The following CHD8 variants were observed in gnomAD, a reference collection of about 807,000 sequenced individuals.
CHD8 encodes the protein chromodomain helicase DNA binding protein 8.
In CHD8, 31 loss-of-function variants were observed where a neutral mutation model predicts 279.2. The ratio of observed to expected loss-of-function variants is 0.11; its 90% CI spans 0.08 to 0.15. The LOEUF is 0.15. Ranked by LOEUF, CHD8 falls within the 10% of genes least tolerant of loss-of-function variation. CHD8 has a pLI of 1.00. For missense variants in CHD8, 2,146 were observed against 3,230.5 expected, an observed-to-expected ratio of 0.66 and a Z score of 8.14; for synonymous variants, 1,081 against 1,139.6, an observed-to-expected ratio of 0.95 and a Z score of 1.04.
At chr14:21,454,554 C>G (rs1353382820) in intron 1 of CHD8, among the ~76,000 whole-genome samples, 1 of 152,146 alleles carries the variant, frequency 6.6e-6, no homozygotes, top group South Asian at 2.1e-4. Flanking sequence ...TCTCGAACTC[C>G]TGACTTCAAG....
At position 21,431,317 on chromosome 14, in the gene CHD8, G is replaced by A; in HGVS notation, c.327C>T (p.Val109=). The part of the protein sequence containing the change: ...PASQEQPAQP[V]LQTSTPTSGL... Reference sequence around the variant, plus strand: ...CTGATGTTGGCGTCGATGTCTGTAAGACAGGTTGGGCTGGCTGCTCCTGGC... The same window carrying A: ...CTGATGTTGGCGTCGATGTCTGTAAAACAGGTTGGGCTGGCTGCTCCTGGC... Residue 109 remains valine, a synonymous_variant, in exon 2 of 38, where the codon GTC becomes GTT. Transcript: ENST00000646647. 6.5e-7 allele frequency: 1 copy of A among 1,548,188 alleles called. No homozygotes were observed. Among genetic ancestry groups the A allele is most frequent in the South Asian group, 1.2e-5 (1 of 85,074 alleles).
At chr14:21,391,763 T>G in intron 35 of CHD8, 70 bp downstream of exon 35, 1 of 1,525,266 alleles carries the variant, frequency 6.6e-7, no homozygotes, top group East Asian at 2.3e-5. Context: ...CCAGTCCCAC[T>G]GCCTTCATCA....
intron 5 of CHD8, among the ~76,000 whole-genome samples, chr14:21,424,413 T>G (rs546606861): frequency 2.0e-5 from 3 of 152,344 alleles, no homozygotes; most frequent in Admixed American, 2.0e-4. Flanking sequence ...TCATAATATA[T>G]TCTAAAATTT....
At position 21,399,953 on chromosome 14, in the gene CHD8, A is replaced by C. The variant is rs775893383; in HGVS notation, c.4817+28T>G. ...TCTTCCCTCAAATAAGGTAGGGCAT[A>C]AATCAAAAAAATATAGCAGAATTTT... On this transcript the variant is annotated intron_variant, in intron 25 of 37. Coordinates refer to ENST00000646647, the MANE Select transcript of CHD8 (RefSeq NM_001170629.2). 3.2e-6 allele frequency: 5 copies of C among 1,583,386 alleles called. No individual in the cohort carries two copies. In the East Asian group the frequency reaches 8.9e-5, roughly 28 times the overall value.
chr14:21,417,861 A>AT (rs1175063826), intron 5 of CHD8, among the ~76,000 whole-genome samples: 2 of 139,446 alleles, frequency 1.4e-5, no homozygotes, highest in African/African-American at 5.6e-5. Flanking sequence ...CAAAAAAAAA[A>AT]AAAAATATAT....
In CHD8 at chr14:21,399,373, G is replaced by C; in HGVS notation, c.4921+229C>G. The C allele has an allele frequency of 5.9e-6, 3 of 509,046 alleles. No homozygotes were observed. In the South Asian group the frequency reaches 6.2e-5, roughly 11 times the overall value. The allele number at this position is 509,046 out of a possible 1,614,324, so 31.5% of individuals were successfully genotyped here. On this transcript the variant is annotated intron_variant, in intron 26 of 37. Coordinates refer to ENST00000646647, the MANE Select transcript of CHD8 (RefSeq NM_001170629.2). ...CACTGCTAACAGTGATTAGAGAACA[G>C]ATGGGAGGCTCCCTACCTTGAGATT...
intron 5 of CHD8, among the ~76,000 whole-genome samples, chr14:21,424,864 T>C (rs754507095): frequency 6.6e-6 from 1 of 152,192 alleles, no homozygotes; most frequent in Admixed American, 6.5e-5. Context: ...GAGGCACTTA[T>C]AAATATTAAT....
At chr14:21,414,724 A>G in intron 8 of CHD8, 1 of 608,936 alleles carries the variant, frequency 1.6e-6, no homozygotes, top group Admixed American at 3.1e-5. Context: ...ACATTTTATC[A>G]GGAACCACCC....
chr14:21,421,258 TAC>T (rs896681165), intron 5 of CHD8, among the ~76,000 whole-genome samples: 12 of 152,088 alleles, frequency 7.9e-5, no homozygotes, highest in Admixed American at 4.6e-4. Context: ...TACATATATA[TAC>T]ACACACAGAC....
intron 1 of CHD8, among the ~76,000 whole-genome samples, chr14:21,434,724 C>T (rs1396378631): frequency 6.6e-6 from 1 of 151,960 alleles, no homozygotes; most frequent in Non-Finnish European, 1.5e-5. Context: ...CTATACTGAC[C>T]CAATTCATCT....
At chr14:21,412,278 T>G (rs1888531511) in intron 10 of CHD8, among the ~76,000 whole-genome samples, 1 of 151,980 alleles carries the variant, frequency 6.6e-6, no homozygotes, top group African/African-American at 2.4e-5. Flanking sequence ...CCCGAGTAGC[T>G]GGGACTATAG....
intron 14 of CHD8, among the ~76,000 whole-genome samples, 166 bp from the exon 15 acceptor site, chr14:21,406,030 C>T (rs945683712): frequency 6.6e-6 from 1 of 151,996 alleles, no homozygotes; most frequent in Non-Finnish European, 1.5e-5. Flanking sequence ...CCATTTGTCC[C>T]CTCTTTCGAT....
In CHD8 at chr14:21,395,362, G is replaced by A. The variant is rs1228765531; in HGVS notation, c.5128-10C>T. On this transcript the variant is annotated splice_polypyrimidine_tract_variant and intron_variant, in intron 28 of 37. Coordinates refer to ENST00000646647, the MANE Select transcript of CHD8 (RefSeq NM_001170629.2). ...TCATCAAGGGATCACCCTAGAGAAG[G>A]AGATCCACCCAATAGGATGGAGCGG... The A allele has an allele frequency of 1.3e-6, 2 of 1,597,728 alleles. No individual in the cohort carries two copies. Among genetic ancestry groups the A allele is most frequent in the Non-Finnish European group, 1.7e-6 (2 of 1,169,810 alleles).
intron 13 of CHD8, among the ~76,000 whole-genome samples, chr14:21,407,504 G>A (rs1428950438): frequency 2.0e-5 from 3 of 151,720 alleles, no homozygotes; most frequent in Non-Finnish European, 4.4e-5. Context: ...TGATTTGGTA[G>A]AAATAAAAAA....
chr14:21,431,507 A>C lies in CHD8; in HGVS notation c.137T>G (p.Leu46Trp). Residue 46 changes from leucine to tryptophan, a missense_variant, in exon 2 of 38, where the codon TTG becomes TGG. Transcript: ENST00000646647. The stretch of plus-strand genomic sequence containing the variant: ...TCCACCATCCTGGTTCATCTGATCC[A>C]AGGAGTCCAGAGAGCTTGGCAGTCC... ...ALGLPSSLDS[L>W]DQMNQDGGGG... 1 of 1,537,206 alleles carries C rather than the reference A, an allele frequency of 6.5e-7. No homozygotes were observed. Among genetic ancestry groups the C allele is most frequent in the Non-Finnish European group, 8.7e-7 (1 of 1,146,874 alleles).
intron 1 of CHD8, among the ~76,000 whole-genome samples, chr14:21,441,689 C>A (rs570786214): frequency 6.6e-6 from 1 of 151,854 alleles, no homozygotes; most frequent in Non-Finnish European, 1.5e-5. Flanking sequence ...GAGATGGAGA[C>A]CATCCTGGCT....
chr14:21,397,759 G>T, intron 27 of CHD8, 64 bp downstream of exon 27: 2 of 1,543,468 alleles, frequency 1.3e-6, no homozygotes, highest in Non-Finnish European at 1.8e-6. Context: ...ATTGGGTTCA[G>T]TCAAGGCTAG....
chr14:21,428,288 C>A lies in CHD8; in HGVS notation c.1216-34G>T, dbSNP rs1273377642. On this transcript the variant is annotated intron_variant, in intron 3 of 37. Transcript: ENST00000646647. ...ACAAAGATACTACAATTTCAACTTG[C>A]TTGTAGTTAAATGGCCTAAATAAAA... 7.5e-6 allele frequency: 12 copies of A among 1,597,524 alleles called. No homozygotes were observed. The African/African-American group carries it at 1.5e-4, about 20-fold the overall frequency.
intron 11 of CHD8, among the ~76,000 whole-genome samples, chr14:21,409,080 C>T (rs1031709135): frequency 1.7e-4 from 26 of 152,198 alleles, no homozygotes; most frequent in African/African-American, 6.3e-4. Flanking sequence ...GCTTCCCTCT[C>T]TCATCTGATC....
Sources: gnomAD v4.1 joint callset for allele counts (sites outside exome capture counted in the v4.1 genomes callset) on GRCh38, gnomAD v4.1.1 for gene constraint, MANE v1.5 for transcripts, NCBI Gene and HGNC (gene_info 2026-07-23, HGNC 2026-07-21) for gene names.